BEND7: variants seen among roughly 807,000 people sequenced by gnomAD.
The protein encoded by BEND7 is BEN domain-containing protein 7.
Under a neutral mutation model 50.9 loss-of-function variants are expected in BEND7, and 28 were observed. That is an observed-to-expected ratio of 0.55 (90% CI 0.41 to 0.75). BEND7 has a LOEUF of 0.75. Among genes scored for constraint, BEND7 ranks in the 30% least tolerant of loss-of-function variants. The pLI, the probability that BEND7 is intolerant of heterozygous loss-of-function variation, is 0.00. For synonymous variants in BEND7, 170 were observed against 183.9 expected (o/e 0.92, Z 0.61); for missense variants, 477 against 491.3 (o/e 0.97, Z 0.28).
At chr10:13,456,372 TG>T (rs1838977939) in intron 6 of BEND7, among the ~76,000 whole-genome samples, 1 of 152,138 alleles carries the variant, frequency 6.6e-6, no homozygotes, top group African/African-American at 2.4e-5. Context: ...AATGTCACCA[TG>T]GATGAGGTCC....
At chr10:13,467,005 G>T (rs567080889) in intron 6 of BEND7, among the ~76,000 whole-genome samples, 2 of 152,312 alleles carry the variant, frequency 1.3e-5, no homozygotes, top group African/African-American at 2.4e-5. Flanking sequence ...GGGAAGGCGG[G>T]TGCGGGGCAG....
At chr10:13,438,861 C>G (rs1564478899), downstream of BEND7, 1 of 320,802 alleles carries the variant, frequency 3.1e-6, no homozygotes, top group African/African-American at 2.1e-5. Context: ...TCCAACCAGC[C>G]TGACCCTCCT....
intron 2 of BEND7, among the ~76,000 whole-genome samples, chr10:13,519,566 T>C (rs1479310272): frequency 6.6e-6 from 1 of 152,228 alleles, no homozygotes; most frequent in Admixed American, 6.5e-5. Context: ...AATACAGTGT[T>C]TTCCAGTTTG....
intron 2 of BEND7, among the ~76,000 whole-genome samples, chr10:13,524,271 G>A (rs1323297512): frequency 6.6e-6 from 1 of 152,142 alleles, no homozygotes; most frequent in Non-Finnish European, 1.5e-5. Context: ...CCTTTGTATG[G>A]TGAACGTAAA....
At position 13,441,302 on chromosome 10, in the gene BEND7, T is replaced by G. The variant is rs545656119; in HGVS notation, c.*441A>C. On this transcript the variant is annotated 3_prime_UTR_variant, in exon 9 of 9. Transcript: ENST00000466271. ...GACATTATCCATAGATATGGATTTT[T>G]TTTTTGCTAAGAAAGCCTATAAAAA... The G allele has an allele frequency of 3.1e-5, 30 of 979,222 alleles. No individual in the cohort carries two copies. The African/African-American group carries it at 4.7e-4, about 15-fold the overall frequency. The allele number at this position is 979,222 out of a possible 1,614,324, so 60.7% of individuals were successfully genotyped here. A position where few individuals can be genotyped will look rare whatever the true frequency, so the allele number is the denominator to read the frequency against.
At chr10:13,513,569 C>T (rs1255287215) in intron 2 of BEND7, among the ~76,000 whole-genome samples, 1 of 152,142 alleles carries the variant, frequency 6.6e-6, no homozygotes, top group East Asian at 1.9e-4. Context: ...GTCACCAAGT[C>T]CTGCTTCTTG....
intron 8 of BEND7, chr10:13,441,995 A>T: frequency 2.0e-6 from 1 of 500,064 alleles, no homozygotes; most frequent in Non-Finnish European, 3.5e-6. Flanking sequence ...ATCTTTGATG[A>T]CTGGCTGGTC....
chr10:13,528,157 G>A (rs1427542308), intron 1 of BEND7, among the ~76,000 whole-genome samples: 1 of 152,130 alleles, frequency 6.6e-6, no homozygotes, highest in Non-Finnish European at 1.5e-5. Context: ...CTGATGGCCA[G>A]GCAGGTCCGC....
intron 6 of BEND7, among the ~76,000 whole-genome samples, chr10:13,455,175 CAA>C (rs1475766425): frequency 1.3e-5 from 2 of 151,898 alleles, no homozygotes; most frequent in Non-Finnish European, 1.5e-5. Context: ...CTGACTCAAA[CAA>C]ACACACAACA....
At chr10:13,508,075 C>T (rs993822637) in intron 2 of BEND7, among the ~76,000 whole-genome samples, 7 of 152,200 alleles carry the variant, frequency 4.6e-5, no homozygotes, top group African/African-American at 1.4e-4. Context: ...TTGCGGGCAG[C>T]TCTCTGCACA....
At chr10:13,439,477 T>C (rs112746362), downstream of BEND7, 57 of 1,605,734 alleles carry the variant, frequency 3.5e-5, no homozygotes, top group African/African-American at 6.9e-4. Flanking sequence ...GGCAGAACAG[T>C]GCAGGGCCCA....
At chr10:13,516,311 T>G (rs1250501847) in intron 2 of BEND7, among the ~76,000 whole-genome samples, 1 of 152,138 alleles carries the variant, frequency 6.6e-6, no homozygotes, top group Admixed American at 6.5e-5. Context: ...AGGGGTGCTG[T>G]CCCTTGTGCC....
chr10:13,475,769 C>T (rs943537361), intron 6 of BEND7, among the ~76,000 whole-genome samples: 2 of 152,170 alleles, frequency 1.3e-5, no homozygotes, highest in African/African-American at 4.8e-5. Flanking sequence ...TTCAAATACT[C>T]CTTTTAGAAA....
At chr10:13,482,279 G>A (rs75489673) in intron 5 of BEND7, among the ~76,000 whole-genome samples, 2,491 of 152,260 alleles carry the variant, frequency 0.016, 68 homozygotes, top group African/African-American at 0.056. Context: ...GTTATGACAT[G>A]GTAGCTGTAA....
At chr10:13,452,215 A>C (rs1177367489) in intron 7 of BEND7, among the ~76,000 whole-genome samples, 1 of 152,210 alleles carries the variant, frequency 6.6e-6, no homozygotes, top group African/African-American at 2.4e-5. Flanking sequence ...CAAACAAATA[A>C]AAATCAATAG....
chr10:13,448,657 C>T (rs1216954280), intron 7 of BEND7, among the ~76,000 whole-genome samples: 4 of 152,062 alleles, frequency 2.6e-5, no homozygotes, highest in Admixed American at 1.3e-4. Context: ...AAAGAGAAAT[C>T]ACTGAGAAGG....
At chr10:13,509,473 G>T (rs1388640835) in intron 2 of BEND7, among the ~76,000 whole-genome samples, 3 of 152,146 alleles carry the variant, frequency 2.0e-5, no homozygotes, top group African/African-American at 7.2e-5. Flanking sequence ...CTTCAGCATC[G>T]CCAGCTACAC....
intron 6 of BEND7, among the ~76,000 whole-genome samples, chr10:13,473,438 C>T (rs1271045270): frequency 4.1e-4 from 51 of 123,062 alleles, no homozygotes; most frequent in East Asian, 5.1e-4. Flanking sequence ...TCATCACTGT[C>T]AGATTTGGGG....
At chr10:13,477,097 C>T (rs2075503081) in intron 6 of BEND7, among the ~76,000 whole-genome samples, 1 of 152,030 alleles carries the variant, frequency 6.6e-6, no homozygotes, top group South Asian at 2.1e-4. Flanking sequence ...TTTTTTCAGT[C>T]CATTTCTGTT....
Sources: allele counts gnomAD v4.1 joint callset (sites outside exome capture counted in the v4.1 genomes callset), GRCh38; gene constraint gnomAD v4.1.1; transcripts MANE v1.5; gene names NCBI Gene and HGNC (gene_info 2026-07-23, HGNC 2026-07-21).